Variants in CADM2 observed in about 807,000 individuals in gnomAD.
CADM2 encodes the protein immunoglobulin superfamily member 4D.
A neutral mutation model predicts 49.8 loss-of-function variants in CADM2; 12 were observed. The ratio of observed to expected loss-of-function variants is 0.24; its 90% CI spans 0.15 to 0.39. The LOEUF is 0.39. Ranked by LOEUF, CADM2 falls within the 10% of genes least tolerant of loss-of-function variation. CADM2 has a pLI of 1.00. For missense variants in CADM2, 378 were observed against 492.3 expected, an observed-to-expected ratio of 0.77 and a Z score of 2.20; for synonymous variants, 214 against 175.4, an observed-to-expected ratio of 1.22 and a Z score of -1.74.
chr3:85,140,878 T>C (rs1387653052), intron 1 of CADM2, among the ~76,000 whole-genome samples: 3 of 152,216 alleles, frequency 2.0e-5, no homozygotes, highest in East Asian at 1.9e-4. Context: ...ACTTTGGTTA[T>C]CTAAATTAGC....
intron 1 of CADM2, among the ~76,000 whole-genome samples, chr3:85,478,252 C>T (rs1425306065): frequency 6.6e-6 from 1 of 151,708 alleles, no homozygotes; most frequent in African/African-American, 2.4e-5. Flanking sequence ...TGAATAAATG[C>T]AAAATATTTG....
chr3:85,771,562 G>C (rs187803032), intron 2 of CADM2, among the ~76,000 whole-genome samples: 96 of 152,078 alleles, frequency 6.3e-4, no homozygotes, highest in Admixed American at 4.6e-3. Flanking sequence ...CATATTACAT[G>C]CTTTTAAACA....
At chr3:85,400,004 C>T (rs1014237935) in intron 1 of CADM2, among the ~76,000 whole-genome samples, 25 of 152,138 alleles carry the variant, frequency 1.6e-4, no homozygotes, top group African/African-American at 5.8e-4. Flanking sequence ...GAGTGGTGAG[C>T]GAGGGCATCC....
intron 1 of CADM2, among the ~76,000 whole-genome samples, chr3:85,354,618 C>CAGAGAGAGAGAGAGAGAG (rs139421347): frequency 0.051 from 6,632 of 130,116 alleles, 269 homozygotes; most frequent in East Asian, 0.069. Context: ...GAATACCTAA[C>CAGAGAGAGAGAGAGAGAG]AGAGAGAGAG....
intron 1 of CADM2, among the ~76,000 whole-genome samples, chr3:85,598,656 AT>A (rs2063311738): frequency 6.6e-6 from 1 of 151,942 alleles, no homozygotes; most frequent in Admixed American, 6.6e-5. Flanking sequence ...TTAAAAAAAA[AT>A]ATTTACTGAC....
At chr3:85,545,449 A>G (rs11127900) in intron 1 of CADM2, among the ~76,000 whole-genome samples, 77,917 of 152,044 alleles carry the variant, frequency 0.51, 23,046 homozygotes, top group East Asian at 0.85. Context: ...CCCAAGGTCA[A>G]ATAGTTGGTA....
At chr3:86,030,620 C>T (rs1452153003) in intron 8 of CADM2, among the ~76,000 whole-genome samples, 2 of 151,870 alleles carry the variant, frequency 1.3e-5, no homozygotes, top group East Asian at 1.9e-4. Context: ...TGACTGAAAT[C>T]TTGCTTTGTA....
At chr3:85,517,767 T>C (rs1486304449) in intron 1 of CADM2, among the ~76,000 whole-genome samples, 4 of 152,210 alleles carry the variant, frequency 2.6e-5, no homozygotes, top group Non-Finnish European at 4.4e-5. Context: ...TTAGTACTTA[T>C]ACCCCATTTC....
At chr3:85,003,568 T>C (rs2033578362) in intron 1 of CADM2, among the ~76,000 whole-genome samples, 1 of 152,084 alleles carries the variant, frequency 6.6e-6, no homozygotes, top group African/African-American at 2.4e-5. Context: ...TTAGCCAGTT[T>C]TATTATTACC....
chr3:85,566,924 A>G (rs1310707740), intron 1 of CADM2, among the ~76,000 whole-genome samples: 1 of 152,166 alleles, frequency 6.6e-6, no homozygotes. Context: ...TACATGTTGA[A>G]CACTGTGACT....
chr3:85,054,126 T>C (rs1249724811), intron 1 of CADM2, among the ~76,000 whole-genome samples: 1 of 151,816 alleles, frequency 6.6e-6, no homozygotes, highest in Non-Finnish European at 1.5e-5. Context: ...GTTCTTTGAA[T>C]TAAAAACAGT....
At chr3:85,905,223 A>G (rs978290195) in intron 5 of CADM2, among the ~76,000 whole-genome samples, 1 of 152,160 alleles carries the variant, frequency 6.6e-6, no homozygotes, top group African/African-American at 2.4e-5. Context: ...GGCTGTGGAA[A>G]ATAGCAAAGA....
intron 1 of CADM2, among the ~76,000 whole-genome samples, chr3:85,171,128 C>T (rs2040614584): frequency 6.6e-6 from 1 of 152,122 alleles, no homozygotes; most frequent in African/African-American, 2.4e-5. Context: ...TTTCTAAAGT[C>T]AATAACCTGA....
rs748182356 is a variant in CADM2, at chr3:86,013,138, G to A, written c.970+51491G>A. On this transcript the variant is annotated intron_variant, in intron 8 of 9. Coordinates refer to ENST00000383699, the MANE Select transcript of CADM2 (RefSeq NM_001167675.2). The stretch of plus-strand genomic sequence containing the variant: ...GTCATTTGAACAAACCACGTAAGTA[G>A]ACACAGAAAACGAATAAAAGAACTG... The A allele has an allele frequency of 7.4e-4, 993 of 1,339,570 alleles. 1 individual carries two copies. Among genetic ancestry groups the A allele is most frequent in the Non-Finnish European group, 9.7e-4 (904 of 935,224 alleles). 83.0% of individuals were successfully genotyped at this position (1,339,570 alleles called of 1,614,324 possible).
chr3:85,297,763 C>T (rs2044001412), intron 1 of CADM2, among the ~76,000 whole-genome samples: 2 of 151,952 alleles, frequency 1.3e-5, no homozygotes, highest in Admixed American at 6.6e-5. Context: ...GTTCTTAGCA[C>T]CAATTTCCAC....
intron 1 of CADM2, among the ~76,000 whole-genome samples, chr3:85,356,026 T>C (rs1389824884): frequency 6.6e-6 from 1 of 152,118 alleles, no homozygotes; most frequent in Non-Finnish European, 1.5e-5. Flanking sequence ...TTTGAATTAA[T>C]AATTCATTCA....
At chr3:85,423,477 C>A (rs2036266410) in intron 1 of CADM2, among the ~76,000 whole-genome samples, 2 of 152,006 alleles carry the variant, frequency 1.3e-5, no homozygotes, top group Non-Finnish European at 2.9e-5. Context: ...TGTTTGTAAA[C>A]CAAAGATAGG....
intron 1 of CADM2, among the ~76,000 whole-genome samples, chr3:85,544,292 G>A (rs1012408665): frequency 2.0e-5 from 3 of 152,046 alleles, no homozygotes; most frequent in Admixed American, 2.0e-4. Flanking sequence ...ATATAAAAAA[G>A]AGGAGGCCGG....
intron 1 of CADM2, among the ~76,000 whole-genome samples, chr3:84,992,404 GCGGATCACGAGGTCAAGAGAT>G (rs66887106): frequency 0.23 from 35,253 of 152,086 alleles, 5,305 homozygotes; most frequent in Non-Finnish European, 0.34. Context: ...GCCGAGGCGG[GCGGATCACGAGGTCAAGAGAT>G]CGTGACCATC....
Sources: allele counts gnomAD v4.1 joint callset (sites outside exome capture counted in the v4.1 genomes callset), GRCh38; gene constraint gnomAD v4.1.1; transcripts MANE v1.5; gene names NCBI Gene and HGNC (gene_info 2026-07-23, HGNC 2026-07-21).